Variants in KIAA1217 observed in about 807,000 individuals in gnomAD.
The protein encoded by KIAA1217 is KIAA1217.
Under a neutral mutation model 163.9 loss-of-function variants are expected in KIAA1217, and 88 were observed. The ratio of observed to expected loss-of-function variants is 0.54; its 90% CI spans 0.45 to 0.64. KIAA1217 has a LOEUF of 0.64. Ranked by LOEUF, KIAA1217 falls within the 30% of genes least tolerant of loss-of-function variation. The probability of loss-of-function intolerance (pLI) is 0.00; values close to 1 mark genes in which losing one functional copy is unlikely to be tolerated. For synonymous variants in KIAA1217, 903 were observed against 923.1 expected, an observed-to-expected ratio of 0.98 and a Z score of 0.39; for missense variants, 2,372 against 2,475.0, an observed-to-expected ratio of 0.96 and a Z score of 0.88.
At chr10:24,304,632 C>T (rs2041798072) in intron 2 of KIAA1217, among the ~76,000 whole-genome samples, 2 of 152,130 alleles carry the variant, frequency 1.3e-5, no homozygotes, top group South Asian at 4.1e-4. Context: ...CCAGACCTGA[C>T]CTTGGGGTTT....
rs114008124 is a variant in KIAA1217, at chr10:23,755,889, C to T, written c.-321+60655C>T. On this transcript the variant is annotated intron_variant, in intron 1 of 18. Coordinates refer to the KIAA1217 transcript ENST00000376462. ...CTAATCTTCCACATATATTTATGTG[C>T]GATATCACATAATAACCAATACCTT... 3.8e-3 allele frequency among the ~76,000 whole-genome samples: 580 copies of T among 152,106 alleles called. 8 individuals are homozygous for T. The highest frequency in any genetic ancestry group is 0.013 in the African/African-American group (549 of 41,482).
chr10:24,015,754 CAA>C (rs3072771), intron 2 of KIAA1217, among the ~76,000 whole-genome samples: 27 of 121,032 alleles, frequency 2.2e-4, no homozygotes, highest in Non-Finnish European at 2.7e-4. Flanking sequence ...GACTCTGACT[CAA>C]AAAAAAAAAA....
chr10:24,302,834 G>A (rs968757868), intron 2 of KIAA1217, among the ~76,000 whole-genome samples: 1 of 152,122 alleles, frequency 6.6e-6, no homozygotes, highest in Non-Finnish European at 1.5e-5. Context: ...AGCCCAGAAG[G>A]CAGAGGAAAC....
At chr10:24,369,502 G>A (rs913724985) in intron 2 of KIAA1217, among the ~76,000 whole-genome samples, 1 of 152,112 alleles carries the variant, frequency 6.6e-6, no homozygotes, top group Non-Finnish European at 1.5e-5. Flanking sequence ...TTGCTAGCAA[G>A]GAAAGCCTCT....
intron 2 of KIAA1217, among the ~76,000 whole-genome samples, chr10:24,241,590 G>T (rs185323286): frequency 1.3e-5 from 2 of 152,210 alleles, no homozygotes; most frequent in African/African-American, 4.8e-5. Flanking sequence ...GTCACCAAGG[G>T]GCTGTGGTTG....
intron 1 of KIAA1217, among the ~76,000 whole-genome samples, chr10:23,818,070 T>C (rs76107620): frequency 0.19 from 23,531 of 124,056 alleles, 2,698 homozygotes; most frequent in Middle Eastern, 0.28. Context: ...CATATATATA[T>C]ACACACACAC....
chr10:24,025,253 G>A (rs1564618242), intron 2 of KIAA1217, among the ~76,000 whole-genome samples: 1 of 151,704 alleles, frequency 6.6e-6, no homozygotes, highest in Non-Finnish European at 1.5e-5. Flanking sequence ...AACTATTCTA[G>A]TGTGATTTAT....
chr10:24,532,605 C>T (rs1002549139), intron 15 of KIAA1217, among the ~76,000 whole-genome samples: 1 of 152,154 alleles, frequency 6.6e-6, no homozygotes, highest in East Asian at 1.9e-4. Context: ...AGCAAAGGCA[C>T]TTCTCACATG....
intron 2 of KIAA1217, among the ~76,000 whole-genome samples, chr10:24,109,142 T>C (rs12250084): frequency 0.034 from 5,115 of 152,270 alleles, 259 homozygotes; most frequent in African/African-American, 0.11. Flanking sequence ...AGACTGGGTA[T>C]ATTTGAATTT....
intron 2 of KIAA1217, among the ~76,000 whole-genome samples, chr10:24,047,648 C>A (rs1849135753): frequency 6.6e-6 from 1 of 152,134 alleles, no homozygotes; most frequent in Non-Finnish European, 1.5e-5. Flanking sequence ...GCTACCTTGC[C>A]TTATTCTTTA....
chr10:23,730,436 A>C (rs1002524329), intron 1 of KIAA1217, among the ~76,000 whole-genome samples: 1 of 152,186 alleles, frequency 6.6e-6, no homozygotes, highest in African/African-American at 2.4e-5. Context: ...TAAGCATTGA[A>C]GTTGAGTAGT....
At chr10:24,409,169 A>G (rs2057515694) in intron 3 of KIAA1217, among the ~76,000 whole-genome samples, 1 of 152,232 alleles carries the variant, frequency 6.6e-6, no homozygotes, top group African/African-American at 2.4e-5. Context: ...AGATTGGCTC[A>G]GATCCCAAAG....
At chr10:24,230,892 A>C (rs573688109) in intron 2 of KIAA1217, among the ~76,000 whole-genome samples, 14 of 152,342 alleles carry the variant, frequency 9.2e-5, no homozygotes, top group Admixed American at 1.3e-4. Context: ...CTGAGGAGAC[A>C]CAGCAAGTAA....
chr10:23,898,789 A>C (rs993331635), intron 1 of KIAA1217, among the ~76,000 whole-genome samples: 4 of 152,092 alleles, frequency 2.6e-5, no homozygotes, highest in African/African-American at 9.7e-5. Context: ...TGTCTCAATG[A>C]ATTTGACTAC....
chr10:23,967,899 ATGTGTG>A (rs58562978), intron 1 of KIAA1217, among the ~76,000 whole-genome samples: 1,535 of 143,922 alleles, frequency 0.011, 17 homozygotes, highest in African/African-American at 0.018. Context: ...AATATATTAA[ATGTGTG>A]TGTGTGTGTG....
At chr10:24,183,573 G>A (rs906385493) in intron 2 of KIAA1217, among the ~76,000 whole-genome samples, 1 of 152,230 alleles carries the variant, frequency 6.6e-6, no homozygotes, top group African/African-American at 2.4e-5. Context: ...AAACATGAAT[G>A]ATAGAATGTA....
intron 1 of KIAA1217, among the ~76,000 whole-genome samples, chr10:23,790,162 C>T (rs1230097170): frequency 1.7e-5 from 1 of 60,558 alleles, no homozygotes; most frequent in Non-Finnish European, 2.9e-5. Context: ...TATGCATATA[C>T]ACATATACAC....
chr10:24,404,208 G>T (rs111381816), intron 3 of KIAA1217, among the ~76,000 whole-genome samples: 2 of 152,134 alleles, frequency 1.3e-5, no homozygotes, highest in African/African-American at 2.4e-5. Context: ...GGAGCCTCCC[G>T]CTTTGGCCTC....
At chr10:24,126,646 C>T (rs1194100594) in intron 2 of KIAA1217, among the ~76,000 whole-genome samples, 1 of 152,018 alleles carries the variant, frequency 6.6e-6, no homozygotes, top group Non-Finnish European at 1.5e-5. Flanking sequence ...GCTTTTAATT[C>T]ATGTCCTAAG....
Sources: allele counts gnomAD v4.1 joint callset (sites outside exome capture counted in the v4.1 genomes callset), GRCh38; gene constraint gnomAD v4.1.1; transcripts MANE v1.5; gene names NCBI Gene and HGNC (gene_info 2026-07-23, HGNC 2026-07-21).